Variants in PDCD11 observed in about 807,000 individuals in gnomAD.
PDCD11 encodes the protein programmed cell death 11.
PDCD11 carries 97 observed loss-of-function variants against 198.9 expected under a neutral mutation model. The observed-to-expected ratio is 0.49, with a 90% confidence interval of 0.41 to 0.58. PDCD11 has a LOEUF of 0.58. PDCD11 is among the 20% of genes least tolerant of loss of function. The pLI, the probability that PDCD11 is intolerant of heterozygous loss-of-function variation, is 0.00. For synonymous variants in PDCD11, 893 were observed against 918.0 expected (o/e 0.97, Z 0.49); for missense variants, 2,102 against 2,312.7 (o/e 0.91, Z 1.87).
intron 34 of PDCD11, 150 bp from the exon 35 acceptor site, chr10:103,444,367 C>T (rs1365965747): frequency 1.3e-6 from 1 of 755,926 alleles, no homozygotes; most frequent in Non-Finnish European, 2.2e-6. Context: ...GCCCCAAACC[C>T]ACCCCTTTTG....
At chr10:103,424,092 A>G (rs1364521049) in intron 19 of PDCD11, among the ~76,000 whole-genome samples, 6 of 152,234 alleles carry the variant, frequency 3.9e-5, no homozygotes, top group Admixed American at 3.9e-4. Context: ...TTTATTTGAA[A>G]TAAAAGCTGA....
chr10:103,428,763 CTA>C (rs2031805051), intron 21 of PDCD11, among the ~76,000 whole-genome samples: 1 of 152,154 alleles, frequency 6.6e-6, no homozygotes, highest in African/African-American at 2.4e-5. Flanking sequence ...TGTTGGAAGA[CTA>C]TGGTATGAGC....
chr10:103,438,191 C>T (rs1035523874), intron 26 of PDCD11, 120 bp downstream of exon 26: 1 of 766,690 alleles, frequency 1.3e-6, no homozygotes, highest in Non-Finnish European at 2.3e-6. Context: ...CACTTTTTAT[C>T]CTGAACCTCT....
rs780411017 is a variant in PDCD11, at chr10:103,443,949, G to A, written c.5159G>A (p.Arg1720His). The A allele has an allele frequency of 3.9e-5, 63 of 1,614,096 alleles. No homozygotes were observed. Among genetic ancestry groups the A allele is most frequent in the South Asian group, 1.2e-4 (11 of 91,076 alleles). ...GAACTCTACAACCGGATGCTGAAGC[G>A]TTTCCGGCAGGAGAAAGCTGTGTGG... Reference protein sequence around the residue: ...AGELYNRMLKRFRQEKAVWIK... With the variant: ...AGELYNRMLKHFRQEKAVWIK... Residue 1720 changes from arginine to histidine, a missense_variant, in exon 34 of 36, where the codon CGT (arginine) becomes CAT (histidine). Transcript: ENST00000369797.
At position 103,439,554 on chromosome 10, in the gene PDCD11, A is replaced by G. The variant is rs112313271; in HGVS notation, c.4026-192A>G. Among the ~76,000 whole-genome samples the G allele has an allele frequency of 3.3e-5, 5 of 152,248 alleles. No individual in the cohort carries two copies. In the East Asian group the frequency reaches 5.8e-4, roughly 18 times the overall value. On this transcript the variant is annotated intron_variant, in intron 27 of 35. Coordinates refer to ENST00000369797, the MANE Select transcript of PDCD11 (RefSeq NM_014976.2). ...CAGTGTGGAGTAAAAAATACCCTCAATCATATCTTCATTATGCTTGATGAT... is the reference window on the plus strand; with the variant it reads ...CAGTGTGGAGTAAAAAATACCCTCAGTCATATCTTCATTATGCTTGATGAT...
Position 103,409,679 on chromosome 10 carries a change from C to G in PDCD11, c.871-20C>G. On this transcript the variant is annotated intron_variant, in intron 7 of 35. Coordinates refer to ENST00000369797, the MANE Select transcript of PDCD11 (RefSeq NM_014976.2). ...TCTTTCAAAGAACTTTTTTTTATAA[C>G]TTGTTCTGTTTATTTCTAGGTGACT... is the stretch of plus-strand genomic sequence containing the variant. The G allele has an allele frequency of 6.3e-7, 1 of 1,576,760 alleles. No homozygotes were observed. Among genetic ancestry groups the G allele is most frequent in the Non-Finnish European group, 8.7e-7 (1 of 1,146,892 alleles).
chr10:103,414,144 A>G, intron 10 of PDCD11, 54 bp downstream of exon 10: 3 of 1,588,732 alleles, frequency 1.9e-6, no homozygotes, highest in Non-Finnish European at 2.6e-6. Flanking sequence ...GTACATGTTC[A>G]TATTCCATTT....
In PDCD11 at chr10:103,421,723, G is replaced by C. The variant is rs557736906; in HGVS notation, c.2497+156G>C. Among the ~76,000 whole-genome samples, 6 of 152,126 alleles carry C rather than the reference G, an allele frequency of 3.9e-5. No individual in the cohort carries two copies. The South Asian group carries it at 8.3e-4, about 21-fold the overall frequency. On this transcript the variant is annotated intron_variant, in intron 17 of 35. Transcript: ENST00000369797. ...CTCACGCCTGTAATCCCAGCACTTTGGGAGGCCGAGGCGGGTGGATCATGA... is the reference window on the plus strand; with the variant it reads ...CTCACGCCTGTAATCCCAGCACTTTCGGAGGCCGAGGCGGGTGGATCATGA...
chr10:103,414,375 G>A (rs368491638), intron 11 of PDCD11, 45 bp downstream of exon 11: 73 of 1,397,634 alleles, frequency 5.2e-5, no homozygotes, highest in Non-Finnish European at 6.9e-5. Flanking sequence ...ACCATCAGGC[G>A]TTCTTTAGTT....
chr10:103,420,573 G>A (rs558660566), intron 16 of PDCD11, among the ~76,000 whole-genome samples: 51 of 152,316 alleles, frequency 3.3e-4, no homozygotes, highest in Admixed American at 1.2e-3. Flanking sequence ...AAGACAGCGA[G>A]CAAATGGCGT....
chr10:103,443,854 G>C lies in PDCD11; in HGVS notation c.5125-61G>C, dbSNP rs943894261. On this transcript the variant is annotated intron_variant, in intron 33 of 35. Transcript: ENST00000369797. ...TAGCTTCTTGTGAGTGTTGCTGCTT[G>C]TCTGTCTTGTCCCCTCTGTAGTATC... 7 of 1,535,668 alleles carry C rather than the reference G, an allele frequency of 4.6e-6. No individual in the cohort carries two copies. In the Admixed American group the frequency reaches 1.0e-4, roughly 23 times the overall value.
At position 103,425,493 on chromosome 10, in the gene PDCD11, A is replaced by T. The variant is rs764546273; in HGVS notation, c.3273A>T (p.Arg1091=). The change falls in exon 20 of 36, where the codon CGA becomes CGT. Residue 1091 remains arginine, a synonymous_variant. Coordinates refer to ENST00000369797, the MANE Select transcript of PDCD11 (RefSeq NM_014976.2). The part of the protein sequence containing the change: ...KLKVGKTVTA[R]VIGGRDMKTF... ...AGGTTGGGAAGACGGTCACTGCCCG[A>T]GTGATTGGCGGGCGAGACATGAAGA... 16 of 1,611,282 alleles carry T rather than the reference A, an allele frequency of 9.9e-6. No homozygotes were observed. In the East Asian group the frequency reaches 3.6e-4, roughly 36 times the overall value.
chr10:103,437,902 TC>T, intron 25 of PDCD11, 112 bp from the exon 26 acceptor site: 1 of 794,050 alleles, frequency 1.3e-6, no homozygotes, highest in Non-Finnish European at 2.1e-6. Context: ...GACCAGAGTC[TC>T]CTGTCTCCTC....
Position 103,445,438 on chromosome 10 carries a change from C to T in PDCD11, c.5505C>T (p.Phe1835=), listed in dbSNP as rs144989005. The T allele has an allele frequency of 5.0e-6, 8 of 1,614,062 alleles. No individual in the cohort carries two copies. Among genetic ancestry groups the T allele is most frequent in the African/African-American group, 4.0e-5 (3 of 74,932 alleles). The change falls in exon 36 of 36, where the codon TTC becomes TTT. Residue 1835 remains phenylalanine, a synonymous_variant. Transcript: ENST00000369797. ...SLAPKRMKFF[F]KRYLDYEKQH... The stretch of plus-strand genomic sequence containing the variant: ...CCCCCAAGAGAATGAAGTTCTTCTT[C>T]AAGCGCTACCTGGACTACGAGAAGC...
Position 103,444,047 on chromosome 10 carries a change from G to A in PDCD11, c.5257G>A (p.Glu1753Lys). ...TCACCGCGTGCTGCAGCGAGCCCTG[G>A]AGTGCCTGCCTAGCAAGGAGCGTGA... ...ASHRVLQRAL[E>K]CLPSKEHVDV... Residue 1753 changes from glutamate to lysine, a missense_variant, in exon 34 of 36, where the codon GAG becomes AAG. Physicochemically the swap from Glu to Lys is moderately conservative, Grantham distance 56. Transcript: ENST00000369797. 6.2e-7 allele frequency: 1 copy of A among 1,612,290 alleles called. No individual in the cohort carries two copies. Among genetic ancestry groups the A allele is most frequent in the Non-Finnish European group, 8.5e-7 (1 of 1,179,988 alleles).
chr10:103,425,106 C>T lies in PDCD11; in HGVS notation c.2886C>T (p.Thr962=), dbSNP rs751169913. ...AFSLTSHLND[T]FRFDSEKLQV... is the part of the protein sequence containing the mutation. ...CCCTGACCTCTCACCTCAACGACAC[C>T]TTCCGCTTTGACTCAGAGAAATTGC... The change falls in exon 20 of 36, where the codon ACC becomes ACT. Residue 962 remains threonine (T), a synonymous_variant. Coordinates refer to ENST00000369797, the MANE Select transcript of PDCD11 (RefSeq NM_014976.2). 4 of 1,614,132 alleles carry T rather than the reference C, an allele frequency of 2.5e-6. No homozygotes were observed. The highest frequency in any genetic ancestry group is 2.5e-6 in the Non-Finnish European group (3 of 1,180,062).
intron 28 of PDCD11, 28 bp downstream of exon 28, chr10:103,439,896 C>G: frequency 6.2e-7 from 1 of 1,611,496 alleles, no homozygotes; most frequent in Non-Finnish European, 8.5e-7. Flanking sequence ...CTCTCTCTCT[C>G]TGTAATGTGA....
At chr10:103,411,365 A>G (rs1401585150) in intron 8 of PDCD11, among the ~76,000 whole-genome samples, 1 of 151,852 alleles carries the variant, frequency 6.6e-6, no homozygotes, top group African/African-American at 2.4e-5. Flanking sequence ...TAGATAATTT[A>G]TTTATTTATT....
intron 28 of PDCD11, 56 bp downstream of exon 28, chr10:103,439,924 A>G (rs1418261987): frequency 1.2e-6 from 2 of 1,606,164 alleles, no homozygotes; most frequent in South Asian, 1.1e-5. Context: ...CCCTTTCTCC[A>G]GGAGCCCTGG....
Sources: gnomAD v4.1 joint callset for allele counts (sites outside exome capture counted in the v4.1 genomes callset) on GRCh38, gnomAD v4.1.1 for gene constraint, MANE v1.5 for transcripts, NCBI Gene and HGNC (gene_info 2026-07-23, HGNC 2026-07-21) for gene names.